DNAJC10: variants seen among roughly 807,000 people sequenced by gnomAD.
The protein encoded by DNAJC10 is endoplasmic reticulum disulfide reductase DNAJC10.
DNAJC10 carries 101 observed loss-of-function variants against 115.0 expected under a neutral mutation model. That is an observed-to-expected ratio of 0.88 (90% CI 0.75 to 1.04). The LOEUF (loss-of-function observed/expected upper bound fraction) is 1.04. Ranked by LOEUF, DNAJC10 falls within the 50% of genes least tolerant of loss-of-function variation. The probability of loss-of-function intolerance (pLI) is 0.00; values close to 1 mark genes in which losing one functional copy is unlikely to be tolerated. For missense variants in DNAJC10, 981 were observed against 928.8 expected (o/e 1.06, Z -0.73); for synonymous variants, 307 against 301.5 (o/e 1.02, Z -0.19).
At position 182,778,475 on chromosome 2, in the gene DNAJC10, G is replaced by C; in HGVS notation, c.*1343G>C. On this transcript the variant is annotated 3_prime_UTR_variant, in exon 24 of 24. Transcript: ENST00000264065. ...TGGTAAAAATTCCAATCAGTCAAAA[G>C]AGGTCAATGAATTAAAAGGCTTGCA... 6.6e-6 allele frequency: 1 copy of C among 152,136 alleles called. No individual in the cohort carries two copies. The highest frequency in any genetic ancestry group is 2.1e-4 in the South Asian group (1 of 4,822). The allele number at this position is 152,136 out of a possible 1,614,324, so 9.4% of individuals were successfully genotyped here.
intron 5 of DNAJC10, among the ~76,000 whole-genome samples, chr2:182,725,831 A>T (rs1000841304): frequency 1.3e-5 from 2 of 152,210 alleles, no homozygotes; most frequent in Non-Finnish European, 2.9e-5. Context: ...CAAATTCTCA[A>T]TGTTAATGAG....
intron 11 of DNAJC10, among the ~76,000 whole-genome samples, chr2:182,737,766 T>C (rs1385271378): frequency 6.6e-6 from 1 of 152,238 alleles, no homozygotes; most frequent in Non-Finnish European, 1.5e-5. Flanking sequence ...TCCAGTTTTT[T>C]CCCATATTAT....
intron 19 of DNAJC10, among the ~76,000 whole-genome samples, chr2:182,758,382 T>C (rs548180925): frequency 6.6e-6 from 1 of 152,266 alleles, no homozygotes. Context: ...ATATGATGAA[T>C]GTTATTAAAC....
chr2:182,726,307 A>T (rs1693281715), intron 5 of DNAJC10, among the ~76,000 whole-genome samples: 1 of 152,208 alleles, frequency 6.6e-6, no homozygotes, highest in African/African-American at 2.4e-5. Context: ...TCTCATTATA[A>T]TAATCTCACC....
At chr2:182,724,928 T>G (rs774783942) in intron 5 of DNAJC10, among the ~76,000 whole-genome samples, 3 of 152,176 alleles carry the variant, frequency 2.0e-5, no homozygotes, top group Non-Finnish European at 4.4e-5. Context: ...TTATTACACT[T>G]TGATTTATTG....
intron 17 of DNAJC10, 89 bp downstream of exon 17, chr2:182,755,193 A>T (rs1694126714): frequency 3.7e-6 from 3 of 803,396 alleles, no homozygotes; most frequent in South Asian, 1.6e-5. Context: ...AATAGGATTT[A>T]CTCTTTTCAT....
chr2:182,789,536 T>A lies in DNAJC10; in HGVS notation c.*12404T>A, dbSNP rs1191137855. ...GCACCCAGCCAATTTTCTTCCTTTT[T>A]AAGGCTGAATAATATTCAATTATAT... On this transcript the variant is annotated 3_prime_UTR_variant, in exon 24 of 24. Coordinates refer to ENST00000264065, the MANE Select transcript of DNAJC10 (RefSeq NM_018981.4). 1.3e-5 allele frequency: 2 copies of A among 152,228 alleles called. No individual in the cohort carries two copies. Among genetic ancestry groups the A allele is most frequent in the African/African-American group, 4.8e-5 (2 of 41,462 alleles). The allele number at this position is 152,228 out of a possible 1,614,324, so 9.4% of individuals were successfully genotyped here. A position where few individuals can be genotyped will look rare whatever the true frequency, so the allele number is the denominator to read the frequency against.
intron 22 of DNAJC10, 116 bp from the exon 23 acceptor site, chr2:182,775,200 A>G: frequency 1.5e-6 from 1 of 688,242 alleles, no homozygotes. Context: ...TTTGAATTTC[A>G]AACACTTCAA....
chr2:182,740,422 G>T, intron 12 of DNAJC10, 34 bp downstream of exon 12: 3 of 1,533,658 alleles, frequency 2.0e-6, no homozygotes, highest in South Asian at 2.7e-5. Flanking sequence ...AAGTAGCAAT[G>T]AATGTTCGTA....
chr2:182,740,243 A>G, intron 11 of DNAJC10, 56 bp from the exon 12 acceptor site: 1 of 1,231,862 alleles, frequency 8.1e-7, no homozygotes, highest in Non-Finnish European at 1.1e-6. Flanking sequence ...AACAAAAGAT[A>G]TCAAATATAA....
At chr2:182,729,597 C>T (rs1693387916) in intron 7 of DNAJC10, among the ~76,000 whole-genome samples, 1 of 151,256 alleles carries the variant, frequency 6.6e-6, no homozygotes, top group African/African-American at 2.4e-5. Context: ...GAATGTAAAG[C>T]TCTGATATCT....
In DNAJC10 at chr2:182,722,119, G is replaced by C. The variant is rs371448909; in HGVS notation, c.418+44G>C. On this transcript the variant is annotated intron_variant, in intron 5 of 23. Coordinates refer to ENST00000264065, the MANE Select transcript of DNAJC10 (RefSeq NM_018981.4). ...GGTTTTATAAAACTAATACAAGTTC[G>C]ATCTCATCTAAAACTCTAGGGGATA... 9 of 1,355,934 alleles carry C rather than the reference G, an allele frequency of 6.6e-6. No individual in the cohort carries two copies. In the East Asian group the frequency reaches 2.2e-4, roughly 33 times the overall value. 84.0% of individuals were successfully genotyped at this position (1,355,934 alleles called of 1,614,324 possible).
chr2:182,734,547 C>G (rs1693537534), intron 10 of DNAJC10, among the ~76,000 whole-genome samples: 2 of 151,628 alleles, frequency 1.3e-5, no homozygotes, highest in Admixed American at 1.3e-4. Flanking sequence ...CTGTAATTCA[C>G]AGGTACACAT....
rs750925171 is a variant in DNAJC10 at position 182,743,711 on chromosome 2, T to C, written c.1305T>C (p.His435=). The C allele has an allele frequency of 1.3e-6, 2 of 1,562,276 alleles. No homozygotes were observed. Among genetic ancestry groups the C allele is most frequent in the African/African-American group, 1.4e-5 (1 of 72,820 alleles). ...GQGTKEYEIH[H]GKKILYDILA... is the part of the protein sequence containing the mutation. The stretch of plus-strand genomic sequence containing the variant: ...GAACCAAAGAATATGAAATTCATCA[T>C]GGTAAGAATGGAAAAAAATGATAAA... The change falls in exon 14 of 24, where the codon CAT becomes CAC. Residue 435 remains histidine (H), a splice_region_variant and synonymous_variant. Coordinates refer to ENST00000264065, the MANE Select transcript of DNAJC10 (RefSeq NM_018981.4).
chr2:182,724,088 A>G (rs1558996996), intron 5 of DNAJC10, among the ~76,000 whole-genome samples: 2 of 152,208 alleles, frequency 1.3e-5, no homozygotes, highest in South Asian at 2.1e-4. Flanking sequence ...GGTTTAATCA[A>G]TTCTGACAGC....
In DNAJC10 at chr2:182,728,903, T is replaced by A; in HGVS notation, c.542T>A (p.Ile181Asn). 1 of 1,614,092 alleles carries A rather than the reference T, an allele frequency of 6.2e-7. No homozygotes were observed. The highest frequency in any genetic ancestry group is 8.5e-7 in the Non-Finnish European group (1 of 1,179,964). The change falls in exon 7 of 24, where the codon ATT becomes AAT. Residue 181 changes from isoleucine to asparagine, a missense_variant. By Grantham distance (149) the Ile-to-Asn change is moderately radical. Transcript: ENST00000264065. ...FAKEVDGLLR[I>N]GAVNCGDDRM... ...AAAGAAGTGGATGGGTTACTTCGAA[T>A]TGGAGCTGTTAACTGTGGTGATGAT...
rs528126997 is a variant in DNAJC10 at position 182,789,871 on chromosome 2, G to T, written c.*12739G>T. ...ATAGTAGGTATCCCAATGAGTGTGC[G>T]TTCATATCCCATTGGAGTTTTGATT... On this transcript the variant is annotated 3_prime_UTR_variant, in exon 24 of 24. Transcript: ENST00000264065. 6.6e-6 allele frequency: 1 copy of T among 152,048 alleles called. No homozygotes were observed. The highest frequency in any genetic ancestry group is 2.1e-4 in the South Asian group (1 of 4,824). 9.4% of individuals were successfully genotyped at this position (152,048 alleles called of 1,614,324 possible).
chr2:182,720,202 T>A, intron 4 of DNAJC10, 33 bp downstream of exon 4: 1 of 1,553,252 alleles, frequency 6.4e-7, no homozygotes, highest in Non-Finnish European at 8.8e-7. Flanking sequence ...ATGAAATGTG[T>A]TTTATCTGAG....
intron 8 of DNAJC10, 134 bp downstream of exon 8, chr2:182,730,075 A>G (rs1221101615): frequency 1.7e-6 from 1 of 582,654 alleles, no homozygotes; most frequent in Non-Finnish European, 3.0e-6. Flanking sequence ...TTAGAAGGGA[A>G]TTGTGTCATT....
Sources: gnomAD v4.1 joint callset for allele counts (sites outside exome capture counted in the v4.1 genomes callset) on GRCh38, gnomAD v4.1.1 for gene constraint, MANE v1.5 for transcripts, NCBI Gene and HGNC (gene_info 2026-07-23, HGNC 2026-07-21) for gene names.